RABGAP1: variants seen among roughly 807,000 people sequenced by gnomAD.
RABGAP1 encodes rab GTPase-activating protein 1.
In RABGAP1, 23 loss-of-function variants were observed where a neutral mutation model predicts 137.6. The ratio of observed to expected loss-of-function variants is 0.17; its 90% confidence interval spans 0.12 to 0.24. RABGAP1 has a LOEUF of 0.24. Ranked by LOEUF, RABGAP1 falls within the 10% of genes least tolerant of loss-of-function variation. The probability of loss-of-function intolerance (pLI) is 1.00; values close to 1 mark genes in which losing one functional copy is unlikely to be tolerated. For synonymous variants in RABGAP1, 451 were observed against 450.7 expected (o/e 1.00, Z -0.01); for missense variants, 906 against 1,275.8 (o/e 0.71, Z 4.42).
intron 13 of RABGAP1, among the ~76,000 whole-genome samples, chr9:123,045,723 C>G (rs555943611): frequency 3.9e-5 from 6 of 152,148 alleles, no homozygotes; most frequent in Admixed American, 6.5e-5. Flanking sequence ...ACTTCGTACT[C>G]TTGGATCATT....
At chr9:123,013,298 G>T (rs571582402) in intron 11 of RABGAP1, among the ~76,000 whole-genome samples, 28 of 151,484 alleles carry the variant, frequency 1.8e-4, no homozygotes, top group Non-Finnish European at 3.4e-4. Flanking sequence ...TTGCAAGGTA[G>T]TGAAGCTGGG....
intron 2 of RABGAP1, among the ~76,000 whole-genome samples, chr9:122,978,883 A>G (rs1285838768): frequency 1.5e-4 from 2 of 13,768 alleles, no homozygotes; most frequent in South Asian, 7.6e-3. Flanking sequence ...CATTCATTTT[A>G]TTTTATTTTA....
At chr9:123,054,109 C>T (rs569147008) in intron 13 of RABGAP1, among the ~76,000 whole-genome samples, 2 of 152,320 alleles carry the variant, frequency 1.3e-5, no homozygotes, top group South Asian at 4.1e-4. Flanking sequence ...CGATTTTTAT[C>T]TGCACAATCT....
rs2030698669 is a variant in RABGAP1, at chr9:123,010,440, A to G, written c.1461A>G (p.Lys487=). ...LESESERERR[K]TTASPSVRLP... ...GTGAATCAGAAAGAGAGAGGAGGAA[A>G]ACTACAGCCAGTCCTTCAGTTCGCC... The change falls in exon 11 of 26, where the codon AAA becomes AAG. Residue 487 remains lysine, a synonymous_variant. Coordinates refer to ENST00000373647, the MANE Select transcript of RABGAP1 (RefSeq NM_012197.4). 1 of 1,613,728 alleles carries G rather than the reference A, an allele frequency of 6.2e-7. No individual in the cohort carries two copies. Among genetic ancestry groups the G allele is most frequent in the Non-Finnish European group, 8.5e-7 (1 of 1,179,798 alleles).
chr9:123,052,676 T>A (rs1182754346), intron 13 of RABGAP1, among the ~76,000 whole-genome samples: 2 of 152,180 alleles, frequency 1.3e-5, no homozygotes, highest in Non-Finnish European at 2.9e-5. Context: ...ACGCCTGTAA[T>A]CCCAGCACTT....
At chr9:122,943,723 G>A (rs1386095777) in intron 1 of RABGAP1, among the ~76,000 whole-genome samples, 2 of 152,166 alleles carry the variant, frequency 1.3e-5, no homozygotes, top group Non-Finnish European at 2.9e-5. Flanking sequence ...GGAGGCCAAG[G>A]CAGGCGGATA....
At chr9:123,067,434 T>C (rs1297183458) in intron 14 of RABGAP1, among the ~76,000 whole-genome samples, 1 of 152,254 alleles carries the variant, frequency 6.6e-6, no homozygotes, top group Non-Finnish European at 1.5e-5. Flanking sequence ...CAGAAACCTT[T>C]ATAACTGCTA....
At chr9:122,973,480 G>A (rs1004591966) in intron 2 of RABGAP1, among the ~76,000 whole-genome samples, 13 of 151,980 alleles carry the variant, frequency 8.6e-5, no homozygotes, top group Admixed American at 7.2e-4. Flanking sequence ...TGATCCACCC[G>A]CCTCGGCCTC....
chr9:123,003,868 T>C (rs1467996463), intron 10 of RABGAP1, among the ~76,000 whole-genome samples: 1 of 152,252 alleles, frequency 6.6e-6, no homozygotes, highest in Non-Finnish European at 1.5e-5. Context: ...CTTATAACTA[T>C]AGAATAATGT....
Position 122,996,026 on chromosome 9 carries a change from C to A in RABGAP1, c.924-15C>A. 6.4e-7 allele frequency: 1 copy of A among 1,554,690 alleles called. No individual in the cohort carries two copies. Among genetic ancestry groups the A allele is most frequent in the Non-Finnish European group, 8.6e-7 (1 of 1,157,716 alleles). On this transcript the variant is annotated splice_polypyrimidine_tract_variant and intron_variant, in intron 6 of 25. Coordinates refer to ENST00000373647, the MANE Select transcript of RABGAP1 (RefSeq NM_012197.4). ...AAAATGCTTTGCAAAATTAATGAAACATGTTGGTCTACAGTGCAGTTCCCA... is the reference window on the plus strand; with the variant it reads ...AAAATGCTTTGCAAAATTAATGAAAAATGTTGGTCTACAGTGCAGTTCCCA...
chr9:123,015,500 T>G (rs1202303400), intron 11 of RABGAP1, 43 bp from the exon 12 acceptor site: 3 of 1,283,536 alleles, frequency 2.3e-6, no homozygotes, highest in Non-Finnish European at 2.2e-6. Flanking sequence ...CTGGCTAGCA[T>G]AGCCATCTCT....
At chr9:122,989,605 C>A in intron 5 of RABGAP1, 134 bp downstream of exon 5, 4 of 907,380 alleles carry the variant, frequency 4.4e-6, no homozygotes, top group Non-Finnish European at 6.6e-6. Flanking sequence ...GTGATTCTAG[C>A]CTCATGGGCC....
chr9:123,007,553 ATTTTTTTTTTTTT>A (rs34448685), intron 10 of RABGAP1, among the ~76,000 whole-genome samples: 2 of 104,536 alleles, frequency 1.9e-5, no homozygotes, highest in Admixed American at 1.1e-4. Flanking sequence ...AAGTTTTTGT[ATTTTTTTTTTTTT>A]TTTTTTTTTA....
intron 14 of RABGAP1, among the ~76,000 whole-genome samples, chr9:123,066,038 A>G (rs933046788): frequency 6.6e-6 from 1 of 152,222 alleles, no homozygotes; most frequent in Non-Finnish European, 1.5e-5. Flanking sequence ...GGAGTTTTTC[A>G]GTCTTCATCT....
chr9:123,052,492 C>T (rs1034223938), intron 13 of RABGAP1, among the ~76,000 whole-genome samples: 7 of 152,202 alleles, frequency 4.6e-5, no homozygotes, highest in African/African-American at 9.7e-5. Flanking sequence ...AAGTTTTTAT[C>T]GGGTGCCTAC....
chr9:123,061,200 C>CCTCCTGGGTTGGCTCA (rs1312437649), intron 13 of RABGAP1, among the ~76,000 whole-genome samples: 1 of 152,178 alleles, frequency 6.6e-6, no homozygotes, highest in Non-Finnish European at 1.5e-5. Context: ...CTCACTGCAA[C>CCTCCTGGGTTGGCTCA]CTCTACCTCC....
intron 13 of RABGAP1, among the ~76,000 whole-genome samples, chr9:123,047,919 GTT>G (rs59639446): frequency 4.8e-4 from 30 of 62,280 alleles, no homozygotes; most frequent in African/African-American, 1.3e-3. Flanking sequence ...CAGCTGCTGG[GTT>G]TTTTTTTTTT....
At chr9:123,023,406 C>T (rs1049698370) in intron 13 of RABGAP1, among the ~76,000 whole-genome samples, 1 of 152,156 alleles carries the variant, frequency 6.6e-6, no homozygotes, top group Non-Finnish European at 1.5e-5. Flanking sequence ...GTCTCGAACT[C>T]CTGACCTCAG....
intron 13 of RABGAP1, among the ~76,000 whole-genome samples, chr9:123,053,829 T>C (rs1486147306): frequency 1.3e-5 from 2 of 152,226 alleles, no homozygotes; most frequent in Non-Finnish European, 2.9e-5. Context: ...GCATTTTCTT[T>C]GTTTGGGTAC....
Sources: gnomAD v4.1 joint callset for allele counts (sites outside exome capture counted in the v4.1 genomes callset) on GRCh38, gnomAD v4.1.1 for gene constraint, MANE v1.5 for transcripts, NCBI Gene and HGNC (gene_info 2026-07-23, HGNC 2026-07-21) for gene names.